The following NBAS variants were observed in gnomAD, a reference collection of about 807,000 sequenced individuals.
The protein encoded by NBAS is NAG/BC035112 fusion.
A neutral mutation model predicts 302.5 loss-of-function variants in NBAS; 219 were observed. That is an observed-to-expected ratio of 0.72 (90% CI 0.65 to 0.81). NBAS has a LOEUF of 0.81. Among genes scored for constraint, NBAS ranks in the 30% least tolerant of loss-of-function variants. NBAS has a pLI of 0.00. For missense variants in NBAS, 2,932 were observed against 2,841.6 expected (o/e 1.03, Z -0.72); for synonymous variants, 1,118 against 1,021.6 (o/e 1.09, Z -1.80).
At chr2:15,254,189 C>T (rs139672357) in intron 44 of NBAS, among the ~76,000 whole-genome samples, 1 of 152,174 alleles carries the variant, frequency 6.6e-6, no homozygotes, top group African/African-American at 2.4e-5. Flanking sequence ...CCAGACCCAC[C>T]CAGAAGCAAT....
the NBAS span, among the ~76,000 whole-genome samples, chr2:14,874,530 C>T: frequency 7.3e-5 from 11 of 150,166 alleles, no homozygotes; most frequent in South Asian, 2.1e-4. Context: ...GTCCCAGCTA[C>T]TTGGGAGGCT....
At chr2:14,917,378 G>C in the NBAS span, among the ~76,000 whole-genome samples, 1 of 152,192 alleles carries the variant, frequency 6.6e-6, no homozygotes, top group Non-Finnish European at 1.5e-5. Context: ...TGCCAGGTAG[G>C]CCTCATCAAC....
downstream of NBAS, among the ~76,000 whole-genome samples, chr2:15,163,045 G>A (rs1663932293): frequency 2.6e-5 from 4 of 152,158 alleles, no homozygotes; most frequent in South Asian, 8.3e-4. Context: ...CGGGCCTGCC[G>A]CTATTCAGAC....
At chr2:15,150,252 C>A in the NBAS span, among the ~76,000 whole-genome samples, 1 of 152,040 alleles carries the variant, frequency 6.6e-6, no homozygotes, top group East Asian at 1.9e-4. Context: ...TACCTTTGGA[C>A]TATGGAAAAA....
intron 48 of NBAS, among the ~76,000 whole-genome samples, chr2:15,210,943 T>A (rs13032517): frequency 6.6e-6 from 1 of 151,956 alleles, no homozygotes. Flanking sequence ...CTCATGCAGA[T>A]AGAGAATAGA....
At position 15,466,755 on chromosome 2, in the gene NBAS, T is replaced by C. The variant is rs376630658; in HGVS notation, c.2097+574A>G. ...AAGTTCAAAACCAGACTGGGCAACA[T>C]GGCAAAACCCTGTCTCTAAAAAAAT... On this transcript the variant is annotated intron_variant, in intron 19 of 51. Coordinates refer to ENST00000281513, the MANE Select transcript of NBAS (RefSeq NM_015909.4). Among the ~76,000 whole-genome samples, 11 of 152,092 alleles carry C rather than the reference T, an allele frequency of 7.2e-5. No homozygotes were observed. In the East Asian group the frequency reaches 1.9e-3, roughly 27 times the overall value.
At chr2:15,199,358 G>A (rs1368594946) in intron 48 of NBAS, among the ~76,000 whole-genome samples, 2 of 152,022 alleles carry the variant, frequency 1.3e-5, no homozygotes, top group Non-Finnish European at 2.9e-5. Flanking sequence ...TGAAAATAAG[G>A]CACGTGGCTT....
the NBAS span, among the ~76,000 whole-genome samples, chr2:14,892,609 G>C: frequency 6.6e-6 from 1 of 151,428 alleles, no homozygotes; most frequent in Non-Finnish European, 1.5e-5. Context: ...GTCGTATTTA[G>C]GAATTTCTGC....
At chr2:15,385,180 G>C (rs1675227591) in intron 28 of NBAS, among the ~76,000 whole-genome samples, 2 of 152,096 alleles carry the variant, frequency 1.3e-5, no homozygotes, top group South Asian at 4.1e-4. Flanking sequence ...AGTATTTCAG[G>C]ACAATCCATA....
the NBAS span, among the ~76,000 whole-genome samples, chr2:14,830,178 A>G: frequency 1.3e-5 from 2 of 152,212 alleles, no homozygotes; most frequent in African/African-American, 4.8e-5. Flanking sequence ...AGCTTCTGTT[A>G]TACAATATCC....
chr2:15,134,247 C>T, the NBAS span, among the ~76,000 whole-genome samples: 3 of 152,084 alleles, frequency 2.0e-5, no homozygotes, highest in African/African-American at 7.2e-5. Flanking sequence ...CCCCAAAGAG[C>T]TCTCTCACCT....
the NBAS span, among the ~76,000 whole-genome samples, chr2:14,937,010 T>C: frequency 1.3e-5 from 2 of 152,194 alleles, no homozygotes; most frequent in Non-Finnish European, 2.9e-5. Flanking sequence ...ATAAAATGGA[T>C]GTGTTAAACT....
At chr2:15,285,004 G>A (rs1379217343) in intron 42 of NBAS, among the ~76,000 whole-genome samples, 1 of 152,136 alleles carries the variant, frequency 6.6e-6, no homozygotes, top group African/African-American at 2.4e-5. Flanking sequence ...CATCCTGTTT[G>A]TACAGATACA....
At chr2:14,929,135 A>G in the NBAS span, among the ~76,000 whole-genome samples, 3 of 152,216 alleles carry the variant, frequency 2.0e-5, no homozygotes, top group Non-Finnish European at 4.4e-5. Context: ...TTTACCATGC[A>G]GATTCGTGGG....
At chr2:15,498,577 T>C (rs1017945870) in intron 11 of NBAS, among the ~76,000 whole-genome samples, 1 of 152,170 alleles carries the variant, frequency 6.6e-6, no homozygotes, top group African/African-American at 2.4e-5. Flanking sequence ...GTAATCCCAT[T>C]ACTGGGTGAT....
Position 15,339,924 on chromosome 2 carries a change from G to GAA in NBAS, c.4180-9161_4180-9160dup, listed in dbSNP as rs529287712. Among the ~76,000 whole-genome samples the GAA allele has an allele frequency of 5.0e-4, 69 of 136,954 alleles. 1 individual carries two copies. Among genetic ancestry groups the GAA allele is most frequent in the Admixed American group, 2.5e-3 (34 of 13,710 alleles). 89.8% of individuals were successfully genotyped at this position (136,954 alleles called of 152,430 possible). The stretch of plus-strand genomic sequence containing the variant: ...GGAATGCTTAAAGAATGGCAAAAAG[G>GAA]AAAAAAAAAAAAGCCAATATGACTA... On this transcript the variant is annotated intron_variant, in intron 35 of 51. Transcript: ENST00000281513.
chr2:15,459,770 C>T (rs1263199204), intron 21 of NBAS, among the ~76,000 whole-genome samples: 3 of 152,146 alleles, frequency 2.0e-5, no homozygotes, highest in Non-Finnish European at 4.4e-5. Context: ...TGAGCCACCG[C>T]ACCTGGCCCT....
chr2:15,204,064 C>T (rs907255256), intron 48 of NBAS, among the ~76,000 whole-genome samples: 3 of 151,994 alleles, frequency 2.0e-5, no homozygotes, highest in Non-Finnish European at 4.4e-5. Context: ...GAGTTTGAGT[C>T]CAGCCTGAGC....
intron 25 of NBAS, among the ~76,000 whole-genome samples, chr2:15,413,075 T>C (rs1211973199): frequency 1.3e-5 from 2 of 152,230 alleles, no homozygotes; most frequent in Non-Finnish European, 2.9e-5. Context: ...CGTAACCTCC[T>C]CTTTCCCCAA....
Sources: gnomAD v4.1 joint callset for allele counts (sites outside exome capture counted in the v4.1 genomes callset) on GRCh38, gnomAD v4.1.1 for gene constraint, MANE v1.5 for transcripts, NCBI Gene and HGNC (gene_info 2026-07-23, HGNC 2026-07-21) for gene names.